Variants in ZFPM2 observed in about 807,000 individuals in gnomAD.
The protein encoded by ZFPM2 is zinc finger protein ZFPM2.
ZFPM2 carries 20 observed loss-of-function variants against 98.6 expected under a neutral mutation model. The ratio of observed to expected loss-of-function variants is 0.20; its 90% CI spans 0.14 to 0.29. The LOEUF is 0.29. Among genes scored for constraint, ZFPM2 ranks in the 10% least tolerant of loss-of-function variants. The pLI is 1.00. For synonymous variants in ZFPM2, 518 were observed against 502.7 expected (o/e 1.03, Z -0.41); for missense variants, 1,310 against 1,388.6 (o/e 0.94, Z 0.90).
At chr8:105,616,902 C>A (rs1392229962) in intron 4 of ZFPM2, among the ~76,000 whole-genome samples, 1 of 151,080 alleles carries the variant, frequency 6.6e-6, no homozygotes, top group East Asian at 2.0e-4. Flanking sequence ...TCTGTAATCC[C>A]TGCTACTCAT....
At chr8:105,380,527 C>T (rs1450538662) in intron 1 of ZFPM2, among the ~76,000 whole-genome samples, 54 of 137,134 alleles carry the variant, frequency 3.9e-4, no homozygotes, top group African/African-American at 1.4e-3. Flanking sequence ...CATATGCACA[C>T]CCGAACTCAG....
rs1379234016 is a variant in ZFPM2, at chr8:105,669,048, AT to A, written c.532+34692del. The stretch of plus-strand genomic sequence containing the variant: ...ATTCAACCTGAGGACTACATTTGGA[AT>A]GTTTCACTGCTATAGGATAGAGTAA... On this transcript the variant is annotated intron_variant, in intron 5 of 7. Coordinates refer to ENST00000407775, the MANE Select transcript of ZFPM2 (RefSeq NM_012082.4). 3.3e-5 allele frequency among the ~76,000 whole-genome samples: 5 copies of A among 152,258 alleles called. No individual in the cohort carries two copies. The East Asian group carries it at 9.6e-4, about 29-fold the overall frequency.
At chr8:105,726,291 T>C (rs1246530872) in intron 5 of ZFPM2, among the ~76,000 whole-genome samples, 1 of 151,778 alleles carries the variant, frequency 6.6e-6, no homozygotes. Flanking sequence ...GACTTCTAAG[T>C]TGTATAACCA....
intron 1 of ZFPM2, among the ~76,000 whole-genome samples, chr8:105,382,250 C>A (rs1227334417): frequency 6.6e-6 from 1 of 151,932 alleles, no homozygotes; most frequent in Non-Finnish European, 1.5e-5. Flanking sequence ...TCTGTGTATG[C>A]AATGCACTCT....
chr8:105,546,978 T>TCCC (rs1295726932), intron 3 of ZFPM2, among the ~76,000 whole-genome samples: 6 of 152,196 alleles, frequency 3.9e-5, no homozygotes, highest in African/African-American at 1.4e-4. Flanking sequence ...TTCCCTTTTT[T>TCCC]TGGGGAGGAG....
intron 3 of ZFPM2, among the ~76,000 whole-genome samples, chr8:105,517,579 A>G (rs1302014784): frequency 2.0e-5 from 3 of 151,926 alleles, no homozygotes; most frequent in East Asian, 1.9e-4. Context: ...GCTGGATGCA[A>G]TGGTTCACGC....
chr8:105,496,561 T>C (rs1202811746), intron 3 of ZFPM2, among the ~76,000 whole-genome samples: 1 of 152,122 alleles, frequency 6.6e-6, no homozygotes, highest in Non-Finnish European at 1.5e-5. Context: ...TCATAGATCT[T>C]ATTCTGGTGA....
At chr8:105,445,172 A>G (rs1429895301) in intron 3 of ZFPM2, among the ~76,000 whole-genome samples, 4 of 152,210 alleles carry the variant, frequency 2.6e-5, no homozygotes, top group South Asian at 2.1e-4. Flanking sequence ...TCACCCTTGC[A>G]TGACTTTGCA....
intron 5 of ZFPM2, among the ~76,000 whole-genome samples, chr8:105,747,738 T>C (rs1398548343): frequency 2.0e-5 from 3 of 152,082 alleles, no homozygotes; most frequent in Non-Finnish European, 4.4e-5. Flanking sequence ...TGTAAATGTC[T>C]CTGTTAAATA....
At chr8:105,524,486 T>G (rs1286161722) in intron 3 of ZFPM2, among the ~76,000 whole-genome samples, 1 of 151,036 alleles carries the variant, frequency 6.6e-6, no homozygotes, top group African/African-American at 2.4e-5. Context: ...GTGTGTGTGT[T>G]TCTCTCTCTC....
At chr8:105,429,329 A>G (rs1385865075) in intron 2 of ZFPM2, among the ~76,000 whole-genome samples, 1 of 151,940 alleles carries the variant, frequency 6.6e-6, no homozygotes, top group Non-Finnish European at 1.5e-5. Flanking sequence ...GTGATCATGC[A>G]TGTATAGAGG....
At chr8:105,749,035 T>C (rs370124384) in intron 5 of ZFPM2, among the ~76,000 whole-genome samples, 3 of 152,046 alleles carry the variant, frequency 2.0e-5, no homozygotes, top group African/African-American at 7.2e-5. Context: ...TCCTGAGGCA[T>C]CAACAACATT....
intron 5 of ZFPM2, among the ~76,000 whole-genome samples, chr8:105,661,194 A>G (rs2130886298): frequency 6.6e-6 from 1 of 152,336 alleles, no homozygotes; most frequent in Non-Finnish European, 1.5e-5. Flanking sequence ...AATCCCAATT[A>G]CATGAGTTAA....
intron 5 of ZFPM2, among the ~76,000 whole-genome samples, chr8:105,752,441 G>C (rs1812501107): frequency 6.6e-6 from 1 of 152,162 alleles, no homozygotes; most frequent in African/African-American, 2.4e-5. Flanking sequence ...TTGCAAAGCA[G>C]GTGCCCTGCT....
At chr8:105,400,113 A>G (rs1811307533) in intron 1 of ZFPM2, among the ~76,000 whole-genome samples, 2 of 151,996 alleles carry the variant, frequency 1.3e-5, no homozygotes, top group South Asian at 4.1e-4. Context: ...ATTTATGTCC[A>G]TCTATTTATT....
intron 4 of ZFPM2, among the ~76,000 whole-genome samples, chr8:105,585,166 A>C (rs1057472588): frequency 6.6e-6 from 1 of 152,194 alleles, no homozygotes; most frequent in South Asian, 2.1e-4. Flanking sequence ...TACAGTTTTT[A>C]AAAAGACCTT....
chr8:105,488,483 C>T (rs911732980), intron 3 of ZFPM2, among the ~76,000 whole-genome samples: 3 of 152,152 alleles, frequency 2.0e-5, no homozygotes, highest in East Asian at 1.9e-4. Flanking sequence ...AAGTAACAGC[C>T]GGGCGCGGTG....
intron 5 of ZFPM2, among the ~76,000 whole-genome samples, chr8:105,688,388 T>C (rs1182874685): frequency 1.3e-5 from 2 of 152,142 alleles, no homozygotes; most frequent in East Asian, 3.8e-4. Flanking sequence ...TGAGTAGTTT[T>C]ATAAATCAGG....
intron 5 of ZFPM2, among the ~76,000 whole-genome samples, chr8:105,696,317 A>T (rs1027335976): frequency 2.6e-5 from 4 of 152,132 alleles, no homozygotes; most frequent in African/African-American, 9.7e-5. Flanking sequence ...TCCTTCACTT[A>T]CCCTTATATG....
Sources: gnomAD v4.1 joint callset for allele counts (sites outside exome capture counted in the v4.1 genomes callset) on GRCh38, gnomAD v4.1.1 for gene constraint, MANE v1.5 for transcripts, NCBI Gene and HGNC (gene_info 2026-07-23, HGNC 2026-07-21) for gene names.